CIMIP7: variants seen among roughly 807,000 people sequenced by gnomAD.
The protein encoded by CIMIP7 is ciliary microtubule inner protein 7, also known as uncharacterized protein C3orf84.
chr3:49,189,799 C>CT, the CIMIP7 span: 1 of 691,260 alleles, frequency 1.4e-6, no homozygotes, highest in Admixed American at 1.8e-5. Flanking sequence ...GGCCCTTACC[C>CT]TTTGTCCATC....
the CIMIP7 span, chr3:49,178,099 C>T: frequency 3.3e-6 from 5 of 1,493,756 alleles, no homozygotes; most frequent in Admixed American, 2.0e-5. Flanking sequence ...GCACCAAGCA[C>T]CTTCTTGGGC....
chr3:49,189,943 A>AG, the CIMIP7 span: 1 of 988,030 alleles, frequency 1.0e-6, no homozygotes, highest in Non-Finnish European at 1.6e-6. Flanking sequence ...CAGCCATGGA[A>AG]GGGCTGGGAT....
At chr3:49,188,146 G>T in the CIMIP7 span, among the ~76,000 whole-genome samples, 1 of 152,222 alleles carries the variant, frequency 6.6e-6, no homozygotes, top group Non-Finnish European at 1.5e-5. Flanking sequence ...GGGCAGTATG[G>T]AGCTGCATCT....
the CIMIP7 span, among the ~76,000 whole-genome samples, chr3:49,187,730 T>C: frequency 4.6e-5 from 7 of 152,176 alleles, no homozygotes; most frequent in Admixed American, 3.9e-4. Context: ...AAACAATAGC[T>C]AGAATCTGCC....
At chr3:49,178,154 G>T in the CIMIP7 span, 1 of 1,146,556 alleles carries the variant, frequency 8.7e-7, no homozygotes, top group Non-Finnish European at 1.2e-6. Flanking sequence ...TCCTATGCCT[G>T]GCTGTCTTGG....
At chr3:49,181,653 T>C in the CIMIP7 span, among the ~76,000 whole-genome samples, 6 of 152,156 alleles carry the variant, frequency 3.9e-5, no homozygotes, top group Non-Finnish European at 8.8e-5. Flanking sequence ...AGAAAATATT[T>C]ATAAACCATA....
the CIMIP7 span, among the ~76,000 whole-genome samples, chr3:49,179,543 C>T: frequency 6.6e-6 from 1 of 152,302 alleles, no homozygotes; most frequent in African/African-American, 2.4e-5. Flanking sequence ...CTCAGACACA[C>T]CAGGTGCTCC....
chr3:49,180,067 G>C, the CIMIP7 span, among the ~76,000 whole-genome samples: 1 of 152,178 alleles, frequency 6.6e-6, no homozygotes, highest in African/African-American at 2.4e-5. Flanking sequence ...GAGGTCAGGA[G>C]TTCGAGACCA....
At chr3:49,178,070 C>A in the CIMIP7 span, 1 of 1,556,530 alleles carries the variant, frequency 6.4e-7, no homozygotes. Flanking sequence ...ACGGTATGGG[C>A]CCTTGGCCCA....
chr3:49,177,896 C>T, the CIMIP7 span: 6 of 1,613,958 alleles, frequency 3.7e-6, no homozygotes, highest in Non-Finnish European at 5.1e-6. Flanking sequence ...CCACTGAGTC[C>T]TGGGCCTGGC....
chr3:49,184,963 G>A, the CIMIP7 span, among the ~76,000 whole-genome samples: 4 of 151,596 alleles, frequency 2.6e-5, no homozygotes, highest in African/African-American at 9.7e-5. Flanking sequence ...TTTAGAAATG[G>A]AAGATTGATT....
chr3:49,190,860 G>A, the CIMIP7 span, among the ~76,000 whole-genome samples: 1 of 151,800 alleles, frequency 6.6e-6, no homozygotes, highest in Non-Finnish European at 1.5e-5. Context: ...GTAGAAACAG[G>A]GTTTCACCAT....
the CIMIP7 span, chr3:49,178,651 G>C: frequency 1.2e-6 from 1 of 811,134 alleles, no homozygotes; most frequent in Non-Finnish European, 2.1e-6. Flanking sequence ...AGGAGCCACT[G>C]CCCCTAAGCT....
the CIMIP7 span, among the ~76,000 whole-genome samples, chr3:49,186,330 C>T: frequency 3.9e-5 from 6 of 152,080 alleles, no homozygotes; most frequent in Admixed American, 6.5e-5. Context: ...CTCCACCTCC[C>T]GTGTTCACGC....
At chr3:49,178,478 T>C in the CIMIP7 span, 1 of 1,613,322 alleles carries the variant, frequency 6.2e-7, no homozygotes, top group Middle Eastern at 1.7e-4. Context: ...TCTTCGGCAC[T>C]CACTTTGTCA....
At chr3:49,178,019 G>A in the CIMIP7 span, 15 of 1,608,140 alleles carry the variant, frequency 9.3e-6, no homozygotes, top group East Asian at 4.5e-5. Context: ...AGGTCCTTCC[G>A]CCTTCCGATT....
At chr3:49,183,464 C>T in the CIMIP7 span, among the ~76,000 whole-genome samples, 1 of 152,138 alleles carries the variant, frequency 6.6e-6, no homozygotes, top group Non-Finnish European at 1.5e-5. Flanking sequence ...GGTGGATAAC[C>T]TGAGGTCAGG....
chr3:49,186,227 G>T, the CIMIP7 span, among the ~76,000 whole-genome samples: 2 of 151,100 alleles, frequency 1.3e-5, no homozygotes, highest in Admixed American at 1.3e-4. Context: ...TTGAACTCCC[G>T]ACCTCAGGTG....
chr3:49,179,436 C>T, the CIMIP7 span, among the ~76,000 whole-genome samples: 1 of 152,212 alleles, frequency 6.6e-6, no homozygotes, highest in African/African-American at 2.4e-5. Flanking sequence ...AACAGTTCCT[C>T]CTATTTGTGA....
Sources: gnomAD v4.1 joint callset for allele counts (sites outside exome capture counted in the v4.1 genomes callset) on GRCh38, gnomAD v4.1.1 for gene constraint, MANE v1.5 for transcripts, NCBI Gene and HGNC (gene_info 2026-07-23, HGNC 2026-07-21) for gene names.